Variants in TTLL11 observed in about 807,000 individuals in gnomAD.
TTLL11 encodes the protein tubulin tyrosine ligase like 11.
In TTLL11, 42 loss-of-function variants were observed where a neutral mutation model predicts 51.7. The observed-to-expected ratio is 0.81, with a 90% CI of 0.64 to 1.05. The LOEUF is 1.05. TTLL11 is among the 50% of genes least tolerant of loss of function. The probability of loss-of-function intolerance (pLI) is 0.00; values close to 1 mark genes in which losing one functional copy is unlikely to be tolerated. For synonymous variants in TTLL11, 381 were observed against 383.5 expected (o/e 0.99, Z 0.08); for missense variants, 799 against 940.4 (o/e 0.85, Z 1.97).
chr9:121,911,268 G>T (rs969670093), intron 6 of TTLL11, among the ~76,000 whole-genome samples: 4 of 152,074 alleles, frequency 2.6e-5, no homozygotes, highest in African/African-American at 9.7e-5. Context: ...ATGGTGGCGG[G>T]CGTCTGTAAT....
chr9:121,831,871 TG>T (rs1031645326), intron 8 of TTLL11, among the ~76,000 whole-genome samples: 21 of 152,102 alleles, frequency 1.4e-4, no homozygotes, highest in African/African-American at 5.1e-4. Context: ...ATAGCCTGGG[TG>T]GCTTAAACAA....
chr9:121,934,567 A>G (rs12378547), intron 6 of TTLL11, among the ~76,000 whole-genome samples: 24,328 of 152,194 alleles, frequency 0.16, 1,994 homozygotes, highest in Middle Eastern at 0.18. Context: ...CCTCGAAGTG[A>G]AAAGCTCACT....
Position 122,032,622 on chromosome 9 carries a change from T to C in TTLL11, c.560-766A>G, listed in dbSNP as rs1302627595. On this transcript the variant is annotated intron_variant, in intron 2 of 8. Coordinates refer to ENST00000321582, the MANE Select transcript of TTLL11 (RefSeq NM_001139442.2). ...AAGATCGAGCCACTGCACTCCAGTC[T>C]GGGCAACAGAGCAGGACTCCGTCTC... Among the ~76,000 whole-genome samples the C allele has an allele frequency of 4.1e-5, 6 of 147,888 alleles. No individual in the cohort carries two copies. The Admixed American group carries it at 4.1e-4, about 10-fold the overall frequency.
At chr9:122,041,250 CCAGGATTT>C (rs1844838734) in intron 1 of TTLL11, among the ~76,000 whole-genome samples, 1 of 152,102 alleles carries the variant, frequency 6.6e-6, no homozygotes, top group African/African-American at 2.4e-5. Flanking sequence ...TAATTAAGTC[CCAGGATTT>C]CATAATCCTA....
intron 3 of TTLL11, among the ~76,000 whole-genome samples, chr9:122,006,143 C>T (rs920043410): frequency 7.9e-5 from 12 of 152,080 alleles, no homozygotes; most frequent in African/African-American, 2.7e-4. Flanking sequence ...AGTTCGAGAC[C>T]AGCCTGGCCA....
At chr9:121,857,925 T>A (rs902124607) in intron 8 of TTLL11, among the ~76,000 whole-genome samples, 1 of 152,176 alleles carries the variant, frequency 6.6e-6, no homozygotes. Flanking sequence ...TTTCAATATT[T>A]AATAATTCCA....
At chr9:121,878,273 G>A (rs1436242066) in intron 6 of TTLL11, among the ~76,000 whole-genome samples, 4 of 152,188 alleles carry the variant, frequency 2.6e-5, no homozygotes, top group Admixed American at 2.6e-4. Context: ...AAAGCATCAA[G>A]ATGAATCTGC....
At chr9:121,914,254 C>A (rs540493429) in intron 6 of TTLL11, among the ~76,000 whole-genome samples, 31 of 152,296 alleles carry the variant, frequency 2.0e-4, no homozygotes, top group Non-Finnish European at 2.9e-4. Flanking sequence ...GCCAATGTCA[C>A]GCAGCAACAG....
In TTLL11 at chr9:122,092,850, C is replaced by A. The variant is rs1240911263; in HGVS notation, c.299G>T (p.Cys100Phe). Residue 100 changes from cysteine to phenylalanine, a missense_variant, in exon 1 of 9, where the codon TGC becomes TTC. Physicochemically the swap from Cys to Phe is radical, Grantham distance 205 (BLOSUM62 -2). Around this residue, in one of 3 missense-constraint regions of TTLL11, gnomAD observed 166 missense variants for 161.6 expected, o/e 1.03. Transcript: ENST00000321582. ...CTTGTCCCGGGGCTTCCCGTGCGGG[C>A]AGAGGCCCTGCACCGGCTTCGGCTT... ...PSKPKPVQGLCPHGKPRDKGR... is the reference protein window; with the variant it reads ...PSKPKPVQGLFPHGKPRDKGR... The A allele has an allele frequency of 6.4e-7, 1 of 1,568,712 alleles. No homozygotes were observed. Among genetic ancestry groups the A allele is most frequent in the Non-Finnish European group, 8.6e-7 (1 of 1,164,878 alleles).
intron 3 of TTLL11, among the ~76,000 whole-genome samples, chr9:122,020,186 C>G (rs1844124499): frequency 1.3e-5 from 2 of 152,252 alleles, no homozygotes; most frequent in African/African-American, 4.8e-5. Flanking sequence ...CATACTATTT[C>G]ATGACTTCGT....
At chr9:122,032,538 A>C (rs1277037359) in intron 2 of TTLL11, among the ~76,000 whole-genome samples, 1 of 151,946 alleles carries the variant, frequency 6.6e-6, no homozygotes, top group Non-Finnish European at 1.5e-5. Flanking sequence ...TCTCACTGTT[A>C]TAAAACATTA....
intron 6 of TTLL11, among the ~76,000 whole-genome samples, chr9:121,921,353 A>T (rs904652838): frequency 3.3e-5 from 5 of 152,232 alleles, no homozygotes; most frequent in African/African-American, 1.2e-4. Context: ...TGCTTAGATT[A>T]AGGAGCAATT....
intron 1 of TTLL11, among the ~76,000 whole-genome samples, chr9:122,053,303 G>C (rs976188223): frequency 6.6e-6 from 1 of 152,132 alleles, no homozygotes; most frequent in Non-Finnish European, 1.5e-5. Flanking sequence ...ACCAAGGAGG[G>C]GCCACTGGAG....
At position 121,822,790 on chromosome 9, in the gene TTLL11, G is replaced by T; in HGVS notation, c.1930C>A (p.Leu644Met). 6.4e-7 allele frequency: 1 copy of T among 1,551,740 alleles called. No individual in the cohort carries two copies. The highest frequency in any genetic ancestry group is 1.4e-5 in the African/African-American group (1 of 73,190). ...MLPLHEQVAS[L>M]IDLCEYHLSL... is the part of the protein sequence containing the mutation. ...AGGTGGTACTCGCAAAGGTCAATCA[G>T]TGAGGCCACCTGCTCATGAAGTGGC... Residue 644 changes from leucine to methionine, a missense_variant, in exon 9 of 9, where the codon CTG becomes ATG. Leu to Met is a conservative substitution (Grantham distance 15). Transcript: ENST00000321582. This position sits in a 1 kb window ranked among gnomAD's most constrained non-coding sequence, Gnocchi z 5.8.
chr9:122,076,374 G>A (rs1334293746), intron 1 of TTLL11, among the ~76,000 whole-genome samples: 1 of 152,196 alleles, frequency 6.6e-6, no homozygotes, highest in Non-Finnish European at 1.5e-5. Context: ...AATCAGACTG[G>A]AAATTCCCAT....
rs1301838713 is a variant in TTLL11, at chr9:122,092,996, C to T, written c.153G>A (p.Pro51=). Residue 51 remains proline (P), a synonymous_variant, in exon 1 of 9, where the codon CCG becomes CCA. Coordinates refer to ENST00000321582, the MANE Select transcript of TTLL11 (RefSeq NM_001139442.2). Reference sequence around the variant, plus strand: ...GCTGCTCCTCCCCTGCCTTGCACTCCGGTTCCCCGGCCGCGCCCGCGTCCA... The same window carrying T: ...GCTGCTCCTCCCCTGCCTTGCACTCTGGTTCCCCGGCCGCGCCCGCGTCCA... ...VRVDAGAAGE[P]ECKAGEEQPK... is the part of the protein sequence containing the mutation. 5.8e-6 allele frequency: 9 copies of T among 1,549,078 alleles called. No individual in the cohort carries two copies. The South Asian group carries it at 9.5e-5, about 16-fold the overall frequency.
chr9:122,050,439 C>T (rs1373720205), intron 1 of TTLL11, among the ~76,000 whole-genome samples: 6 of 152,144 alleles, frequency 3.9e-5, no homozygotes, highest in African/African-American at 1.4e-4. Flanking sequence ...TCTGTTGGTG[C>T]CAGTAATATA....
At chr9:121,902,832 A>G (rs1477094815) in intron 6 of TTLL11, among the ~76,000 whole-genome samples, 3 of 152,166 alleles carry the variant, frequency 2.0e-5, no homozygotes, top group Non-Finnish European at 4.4e-5. Flanking sequence ...CTAGTTCGTC[A>G]TTGTAACACG....
At chr9:121,927,459 T>A (rs1475332218) in intron 6 of TTLL11, among the ~76,000 whole-genome samples, 3 of 152,226 alleles carry the variant, frequency 2.0e-5, no homozygotes, top group Non-Finnish European at 4.4e-5. Flanking sequence ...TGAACTATGA[T>A]CCAGCTTTTT....
Sources: allele counts gnomAD v4.1 joint callset (sites outside exome capture counted in the v4.1 genomes callset), GRCh38; gene constraint gnomAD v4.1.1; regional missense constraint gnomAD v4.1.1; non-coding constraint Gnocchi (gnomAD v3.1); transcripts MANE v1.5; gene names NCBI Gene and HGNC (gene_info 2026-07-23, HGNC 2026-07-21).